RIMS1: variants seen among roughly 807,000 people sequenced by gnomAD.
RIMS1 encodes regulating synaptic membrane exocytosis protein 1.
A neutral mutation model predicts 214.1 loss-of-function variants in RIMS1; 83 were observed. The observed-to-expected ratio is 0.39, with a 90% CI of 0.32 to 0.47. The LOEUF is 0.47. Ranked by LOEUF, RIMS1 falls within the 20% of genes least tolerant of loss-of-function variation. The probability of loss-of-function intolerance (pLI) is 0.99; values close to 1 mark genes in which losing one functional copy is unlikely to be tolerated. For missense variants in RIMS1, 2,050 were observed against 2,161.8 expected (o/e 0.95, Z 1.03); for synonymous variants, 793 against 786.8 (o/e 1.01, Z -0.13).
chr6:72,245,678 C>T, intron 10 of RIMS1, 137 bp from the exon 11 acceptor site: 2 of 605,090 alleles, frequency 3.3e-6, no homozygotes, highest in Admixed American at 3.0e-5. Context: ...TTAGTAGTTG[C>T]CTTAATAGTA....
intron 9 of RIMS1, among the ~76,000 whole-genome samples, chr6:72,238,524 G>A (rs2154101521): frequency 6.6e-6 from 1 of 152,140 alleles, no homozygotes; most frequent in African/African-American, 2.4e-5. Flanking sequence ...ATGACACAAT[G>A]AAATTATTTA....
rs2093276931 is a variant in RIMS1, at chr6:72,290,843, C to T, written c.3719C>T (p.Pro1240Leu). ...HHLVPGGSAP[P>L]SPLLTRMHRQ... is the part of the protein sequence containing the mutation. Reference sequence around the variant, plus strand: ...CTTGTCCCTGGAGGGTCGGCGCCACCTTCTCCGCTTCTGACAAGGTCGCTA... The same window carrying T: ...CTTGTCCCTGGAGGGTCGGCGCCACTTTCTCCGCTTCTGACAAGGTCGCTA... The change falls in exon 25 of 34, where the codon CCT (proline) becomes CTT (leucine). Residue 1240 changes from proline to leucine, a missense_variant. Transcript: ENST00000521978. 6.2e-7 allele frequency: 1 copy of T among 1,612,402 alleles called. No individual in the cohort carries two copies. Among genetic ancestry groups the T allele is most frequent in the African/African-American group, 1.3e-5 (1 of 74,864 alleles).
chr6:72,069,370 T>C (rs1291885781), intron 2 of RIMS1, among the ~76,000 whole-genome samples: 1 of 152,270 alleles, frequency 6.6e-6, no homozygotes, highest in African/African-American at 2.4e-5. Context: ...TGTAGCTCAC[T>C]GTCCAGCTTC....
At chr6:72,040,286 A>G (rs1821078197) in intron 2 of RIMS1, among the ~76,000 whole-genome samples, 1 of 152,050 alleles carries the variant, frequency 6.6e-6, no homozygotes, top group African/African-American at 2.4e-5. Flanking sequence ...CCTGGTGTCC[A>G]GTTACAGTTT....
At chr6:72,278,152 A>AATCT (rs561604409) in intron 23 of RIMS1, among the ~76,000 whole-genome samples, 14,498 of 127,856 alleles carry the variant, frequency 0.11, 954 homozygotes, top group Non-Finnish European at 0.15. Context: ...AATGGTTTTT[A>AATCT]ATCTATCTAT....
At chr6:71,968,564 GAA>G (rs1182284780) in intron 1 of RIMS1, among the ~76,000 whole-genome samples, 2 of 152,156 alleles carry the variant, frequency 1.3e-5, no homozygotes, top group African/African-American at 4.8e-5. Context: ...TGGTGTGAAA[GAA>G]AAGTCTGTAT....
At chr6:72,179,959 A>G in intron 5 of RIMS1, 44 bp downstream of exon 5, 1 of 1,272,528 alleles carries the variant, frequency 7.9e-7, no homozygotes, top group Non-Finnish European at 1.0e-6. Flanking sequence ...AGATTTTGCT[A>G]GGAGAGCAAA....
At chr6:72,184,464 C>G (rs1249037309) in intron 6 of RIMS1, among the ~76,000 whole-genome samples, 2 of 152,098 alleles carry the variant, frequency 1.3e-5, no homozygotes, top group African/African-American at 4.8e-5. Flanking sequence ...AAAAATGCAG[C>G]TTTTATGTGG....
intron 4 of RIMS1, among the ~76,000 whole-genome samples, chr6:72,148,044 C>T (rs1042271023): frequency 7.9e-5 from 12 of 152,152 alleles, no homozygotes; most frequent in Non-Finnish European, 1.6e-4. Context: ...TAAAAGTTAG[C>T]CCCTCCTCAA....
At chr6:72,147,724 T>C (rs2042938965) in intron 4 of RIMS1, among the ~76,000 whole-genome samples, 1 of 152,250 alleles carries the variant, frequency 6.6e-6, no homozygotes, top group African/African-American at 2.4e-5. Flanking sequence ...CCACTTTTAA[T>C]TAAGCTGACT....
At chr6:72,327,782 A>G (rs16882304) in intron 28 of RIMS1, among the ~76,000 whole-genome samples, 2,253 of 151,912 alleles carry the variant, frequency 0.015, 54 homozygotes, top group African/African-American at 0.051. Flanking sequence ...CTACTTTGCT[A>G]TCTTCAAGAA....
chr6:72,314,050 A>C (rs2095640752), intron 28 of RIMS1, among the ~76,000 whole-genome samples: 1 of 152,210 alleles, frequency 6.6e-6, no homozygotes, highest in South Asian at 2.1e-4. Flanking sequence ...AGCTACATAA[A>C]TAAATCAACA....
chr6:72,376,888 G>T lies in RIMS1; in HGVS notation c.4367-13710G>T, dbSNP rs569784696. On this transcript the variant is annotated intron_variant, in intron 29 of 33. Coordinates refer to ENST00000521978, the MANE Select transcript of RIMS1 (RefSeq NM_014989.7). ...ATGCAACAGACTTGTTCTAATGATA[G>T]TTCCTTCAAATGGATCAAAATAAAG... 3.3e-5 allele frequency among the ~76,000 whole-genome samples: 5 copies of T among 152,194 alleles called. No individual in the cohort carries two copies. In the South Asian group the frequency reaches 1.0e-3, roughly 32 times the overall value.
At chr6:71,919,035 G>A (rs1184375176) in intron 1 of RIMS1, among the ~76,000 whole-genome samples, 1 of 152,118 alleles carries the variant, frequency 6.6e-6, no homozygotes, top group Non-Finnish European at 1.5e-5. Context: ...TTAAACAAAA[G>A]AACAACGTAG....
chr6:71,931,700 T>G (rs1449298654), intron 1 of RIMS1, among the ~76,000 whole-genome samples: 3 of 152,118 alleles, frequency 2.0e-5, no homozygotes, highest in Non-Finnish European at 2.9e-5. Context: ...GTAGTTTGTC[T>G]GTTTACTCTA....
At chr6:72,271,284 A>ATAT (rs1460139968) in intron 22 of RIMS1, among the ~76,000 whole-genome samples, 37 of 23,896 alleles carry the variant, frequency 1.5e-3, no homozygotes, top group African/African-American at 2.8e-3. Context: ...AAAAAAAAAA[A>ATAT]AAATATATAT....
At chr6:72,391,351 TC>T (rs1313575391) in intron 30 of RIMS1, among the ~76,000 whole-genome samples, 2 of 150,120 alleles carry the variant, frequency 1.3e-5, no homozygotes, top group Non-Finnish European at 1.5e-5. Context: ...CGATTCTTTT[TC>T]TTTTTTTTTT....
At chr6:72,318,103 A>G (rs1422500464) in intron 28 of RIMS1, among the ~76,000 whole-genome samples, 1 of 152,098 alleles carries the variant, frequency 6.6e-6, no homozygotes, top group African/African-American at 2.4e-5. Context: ...CAACTTTTCT[A>G]TGACCAATGT....
At chr6:72,354,532 A>C (rs1163714045) in intron 29 of RIMS1, among the ~76,000 whole-genome samples, 1 of 152,226 alleles carries the variant, frequency 6.6e-6, no homozygotes, top group Non-Finnish European at 1.5e-5. Context: ...TAAAATGTGT[A>C]ATATCTAAAA....
Sources: allele counts gnomAD v4.1 joint callset (sites outside exome capture counted in the v4.1 genomes callset), GRCh38; gene constraint gnomAD v4.1.1; transcripts MANE v1.5; gene names NCBI Gene and HGNC (gene_info 2026-07-23, HGNC 2026-07-21).